Variants in METTL22 observed in about 807,000 individuals in gnomAD.
METTL22 encodes methyltransferase-like protein 22.
Under a neutral mutation model 48.4 loss-of-function variants are expected in METTL22, and 51 were observed. That is an observed-to-expected ratio of 1.05 (90% CI 0.84 to 1.33). METTL22 has a LOEUF of 1.33. METTL22 is among the 40% of genes most tolerant of loss of function. The pLI is 0.00. For missense variants in METTL22, 678 were observed against 526.9 expected (o/e 1.29, Z -2.81); for synonymous variants, 255 against 214.1 (o/e 1.19, Z -1.67).
the METTL22 span, among the ~76,000 whole-genome samples, chr16:8,664,057 C>T: frequency 2.6e-5 from 4 of 151,654 alleles, no homozygotes; most frequent in Non-Finnish European, 5.9e-5. Context: ...GATCTTTCCT[C>T]TTTCCTTACA....
At chr16:8,642,640 G>T in intron 9 of METTL22, 75 bp downstream of exon 9, 1 of 1,384,848 alleles carries the variant, frequency 7.2e-7, no homozygotes, top group Non-Finnish European at 1.0e-6. Flanking sequence ...TTGTGTCCTT[G>T]TCAGTGTCAT....
At chr16:8,629,440 C>T (rs1453863274) in intron 3 of METTL22, among the ~76,000 whole-genome samples, 3 of 152,234 alleles carry the variant, frequency 2.0e-5, no homozygotes, top group Admixed American at 1.3e-4. Flanking sequence ...CCTGCTGCTG[C>T]CTCCCACATC....
At chr16:8,661,775 A>G in the METTL22 span, among the ~76,000 whole-genome samples, 1 of 144,416 alleles carries the variant, frequency 6.9e-6, no homozygotes, top group South Asian at 2.3e-4. Context: ...GTCTCACTAT[A>G]TTGACCAGGA....
Position 8,646,232 on chromosome 16 carries a change from G to A in METTL22, c.*89G>A. On this transcript the variant is annotated 3_prime_UTR_variant, in exon 11 of 11. Coordinates refer to ENST00000381920, the MANE Select transcript of METTL22 (RefSeq NM_024109.4). ...AAGCTCACCAAAGCAACATGCTTGAGATTTTGTCATTTTAAAAATATGGTT... is the reference window on the plus strand; with the variant it reads ...AAGCTCACCAAAGCAACATGCTTGAAATTTTGTCATTTTAAAAATATGGTT... 6.5e-7 allele frequency: 1 copy of A among 1,528,762 alleles called. No individual in the cohort carries two copies. The highest frequency in any genetic ancestry group is 9.0e-7 in the Non-Finnish European group (1 of 1,106,016). 94.7% of individuals were successfully genotyped at this position (1,528,762 alleles called of 1,614,324 possible).
At position 8,642,193 on chromosome 16, in the gene METTL22, T is replaced by C. The variant is rs200631969; in HGVS notation, c.893T>C (p.Leu298Pro). 6.2e-7 allele frequency: 1 copy of C among 1,613,472 alleles called. No homozygotes were observed. Among genetic ancestry groups the C allele is most frequent in the Admixed American group, 1.7e-5 (1 of 60,026 alleles). The change falls in exon 8 of 11, where the codon CTG (leucine) becomes CCG (proline). Residue 298 changes from leucine (L) to proline (P), a missense_variant. Leu to Pro is a moderately conservative substitution (Grantham distance 98, BLOSUM62 -3). Transcript: ENST00000381920. ...ISDLYDHTTILFAAEVFYDDD... is the reference protein window; with the variant it reads ...ISDLYDHTTIPFAAEVFYDDD... ...GACTTGTACGATCACACCACCATCC[T>C]GTTTGCAGCCGAAGGTAAGAAAATT...
intron 5 of METTL22, among the ~76,000 whole-genome samples, chr16:8,638,699 C>G (rs543187310): frequency 2.6e-5 from 4 of 152,186 alleles, no homozygotes; most frequent in African/African-American, 9.7e-5. Flanking sequence ...CCAACTCTTG[C>G]TCTCAATAGC....
At chr16:8,661,334 T>TA in the METTL22 span, among the ~76,000 whole-genome samples, 4 of 151,876 alleles carry the variant, frequency 2.6e-5, no homozygotes, top group Non-Finnish European at 5.9e-5. Flanking sequence ...CGAATTCAGA[T>TA]AAAACCCGCC....
rs770070797 is a variant in METTL22 at position 8,635,180 on chromosome 16, G to T, written c.568G>T (p.Ala190Ser). The T allele has an allele frequency of 1.1e-5, 17 of 1,610,452 alleles. No individual in the cohort carries two copies. The highest frequency in any genetic ancestry group is 1.4e-5 in the Non-Finnish European group (16 of 1,178,112). ...CTCTTCCCTCCAGGTGTGGCGGGGC[G>T]CCCTGCTCCTGGCAGACTACATCCT... ...EDVGKQVWRG[A>S]LLLADYILFR... Residue 190 changes from alanine (A) to serine (S), a missense_variant, in exon 5 of 11, where the codon GCC (alanine) becomes TCC (serine). Ala to Ser is a moderately conservative substitution (Grantham distance 99, BLOSUM62 1). Transcript: ENST00000381920.
chr16:8,653,016 C>G (rs1254522070), downstream of METTL22, among the ~76,000 whole-genome samples: 1 of 152,206 alleles, frequency 6.6e-6, no homozygotes, highest in African/African-American at 2.4e-5. Context: ...AGGTGACTGC[C>G]AGTTCAAACC....
rs77462064 is a variant in METTL22, at chr16:8,634,961, C to T, written c.515-78C>T. ...GCCCATCTGACCGTGCTGGCGGTTG[C>T]CACACTGTCCTGTCTTGTGGTTTTC... is the stretch of plus-strand genomic sequence containing the variant. On this transcript the variant is annotated intron_variant, in intron 3 of 10. Transcript: ENST00000381920. 623 of 1,593,456 alleles carry T rather than the reference C, an allele frequency of 3.9e-4. 5 individuals are homozygous for T. In the East Asian group the frequency reaches 0.013, roughly 33 times the overall value.
At chr16:8,639,399 C>G (rs1596356366) in intron 6 of METTL22, 1 of 575,722 alleles carries the variant, frequency 1.7e-6, no homozygotes, top group East Asian at 2.9e-5. Context: ...CTTTCTCTCC[C>G]GGACACTGGC....
chr16:8,644,681 G>A lies in METTL22; in HGVS notation c.1135G>A (p.Ala379Thr). The change falls in exon 10 of 11, where the codon GCC becomes ACC. Residue 379 changes from alanine to threonine, a missense_variant. Coordinates refer to ENST00000381920, the MANE Select transcript of METTL22 (RefSeq NM_024109.4). ...GCGCTTCGTGGTGGAGCCCGTGGAGGCCTCCTTCCCACAGCTCCTGGTTTA... is the reference window on the plus strand; with the variant it reads ...GCGCTTCGTGGTGGAGCCCGTGGAGACCTCCTTCCCACAGCTCCTGGTTTA... Reference protein sequence around the residue: ...KLRFVVEPVEASFPQLLVYER... With the variant: ...KLRFVVEPVETSFPQLLVYER... 2 of 1,604,866 alleles carry A rather than the reference G, an allele frequency of 1.2e-6. No homozygotes were observed. Among genetic ancestry groups the A allele is most frequent in the Non-Finnish European group, 8.5e-7 (1 of 1,175,660 alleles).
chr16:8,661,481 CT>C, the METTL22 span, among the ~76,000 whole-genome samples: 2 of 142,670 alleles, frequency 1.4e-5, no homozygotes, highest in Non-Finnish European at 3.1e-5. Flanking sequence ...CCCGTCTCTA[CT>C]AAAAACACAA....
At chr16:8,657,800 C>T in the METTL22 span, among the ~76,000 whole-genome samples, 1 of 136,146 alleles carries the variant, frequency 7.3e-6, no homozygotes, top group South Asian at 2.3e-4. Flanking sequence ...GACTGGTGTC[C>T]TTCTTTTTTC....
chr16:8,639,306 G>T, intron 6 of METTL22, 144 bp downstream of exon 6: 1 of 724,918 alleles, frequency 1.4e-6, no homozygotes. Flanking sequence ...CGTCGTCTGG[G>T]CATCACAGAG....
chr16:8,626,238 C>G (rs1208858545), intron 2 of METTL22, among the ~76,000 whole-genome samples: 1 of 152,182 alleles, frequency 6.6e-6, no homozygotes, highest in African/African-American at 2.4e-5. Context: ...ACCCTCCCAC[C>G]TTAGCCTCTT....
intron 6 of METTL22, chr16:8,639,628 C>T (rs772571074): frequency 1.0e-5 from 2 of 191,596 alleles, no homozygotes; most frequent in Non-Finnish European, 1.1e-5. Context: ...CTCCTCCTGA[C>T]AGTCTCCTTT....
intron 9 of METTL22, 24 bp downstream of exon 9, chr16:8,642,589 G>T (rs550408858): frequency 1.2e-6 from 2 of 1,604,066 alleles, no homozygotes; most frequent in African/African-American, 2.7e-5. Flanking sequence ...CACGGGAACC[G>T]TGCTGACGTC....
chr16:8,643,692 C>G (rs2056693852), intron 9 of METTL22, among the ~76,000 whole-genome samples: 1 of 152,156 alleles, frequency 6.6e-6, no homozygotes, highest in African/African-American at 2.4e-5. Flanking sequence ...CGGCTCAGCA[C>G]AAGCGCCACC....
Sources: allele counts gnomAD v4.1 joint callset (sites outside exome capture counted in the v4.1 genomes callset), GRCh38; gene constraint gnomAD v4.1.1; transcripts MANE v1.5; gene names NCBI Gene and HGNC (gene_info 2026-07-23, HGNC 2026-07-21).